The following PLB1 variants were observed in gnomAD, a reference collection of about 807,000 sequenced individuals.
PLB1 encodes phospholipase B1, membrane-associated.
A neutral mutation model predicts 227.4 loss-of-function variants in PLB1; 242 were observed. That is an observed-to-expected ratio of 1.06 (90% CI 0.96 to 1.18). PLB1 has a LOEUF of 1.18. Among genes scored for constraint, PLB1 ranks in the 50% most tolerant of loss-of-function variants. The pLI is 0.00. For synonymous variants in PLB1, 757 were observed against 682.2 expected (o/e 1.11, Z -1.71); for missense variants, 1,858 against 1,816.3 (o/e 1.02, Z -0.42).
In PLB1 at chr2:28,538,236, G is replaced by A. The variant is rs1429781628; in HGVS notation, c.556-83G>A. The A allele has an allele frequency of 5.1e-6, 8 of 1,554,702 alleles. No individual in the cohort carries two copies. In the African/African-American group the frequency reaches 1.1e-4, roughly 21 times the overall value. ...TTTGCCTGTGGTCTTGCCTGGCAGG[G>A]ATGGGCCTGTTGTGAGTCTGGGTGG... On this transcript the variant is annotated intron_variant, in intron 9 of 57. Transcript: ENST00000327757.
In PLB1 at chr2:28,589,507, G is replaced by A; in HGVS notation, c.1873G>A (p.Val625Met). Residue 625 changes from valine to methionine, a missense_variant, in exon 27 of 58, where the codon GTG becomes ATG. Val to Met is a conservative substitution (Grantham distance 21). Transcript: ENST00000327757. ...ATATGACACAAGGGAAGATTTTACTGTGGTTGTGCAGCCGTTCTTTGAAAA... is the reference window on the plus strand; with the variant it reads ...ATATGACACAAGGGAAGATTTTACTATGGTTGTGCAGCCGTTCTTTGAAAA... Reference protein sequence around the residue: ...GRYDTREDFTVVVQPFFENVD... With the variant: ...GRYDTREDFTMVVQPFFENVD... 5 of 1,614,188 alleles carry A rather than the reference G, an allele frequency of 3.1e-6. No individual in the cohort carries two copies. The highest frequency in any genetic ancestry group is 4.2e-6 in the Non-Finnish European group (5 of 1,180,042).
intron 33 of PLB1, among the ~76,000 whole-genome samples, chr2:28,597,686 A>C (rs1683187789): frequency 1.3e-5 from 2 of 152,180 alleles, no homozygotes; most frequent in East Asian, 3.8e-4. Flanking sequence ...CATCTACATC[A>C]CTGGCTTGTT....
At chr2:28,554,524 A>G (rs1204664525) in intron 17 of PLB1, among the ~76,000 whole-genome samples, 3 of 56,758 alleles carry the variant, frequency 5.3e-5, no homozygotes, top group African/African-American at 7.1e-5. Context: ...TTTTTAAGAG[A>G]TGGGGTCTTA....
At chr2:28,585,605 T>C in intron 25 of PLB1, 156 bp from the exon 26 acceptor site, 2 of 637,916 alleles carry the variant, frequency 3.1e-6, no homozygotes, top group Non-Finnish European at 5.6e-6. Context: ...TCGTTTGGTA[T>C]GGTCAGCAGG....
In PLB1 at chr2:28,633,003, G is replaced by C; in HGVS notation, c.4062G>C (p.Gly1354=). The part of the protein sequence containing the change: ...SEDCFHFSDR[G]HAEMAIALWN... Reference sequence around the variant, plus strand: ...ACTGTTTTCACTTCTCAGACCGCGGGCATGCCGAGATGGCCATCGCACTCT... The same window carrying C: ...ACTGTTTTCACTTCTCAGACCGCGGCCATGCCGAGATGGCCATCGCACTCT... Residue 1354 remains glycine, a synonymous_variant, in exon 56 of 58, where the codon GGG becomes GGC. Transcript: ENST00000327757. 1.9e-6 allele frequency: 3 copies of C among 1,609,522 alleles called. No homozygotes were observed.
chr2:28,527,431 A>G (rs1057334500), intron 6 of PLB1, among the ~76,000 whole-genome samples: 8 of 152,218 alleles, frequency 5.3e-5, no homozygotes, highest in Non-Finnish European at 1.0e-4. Flanking sequence ...TTCCCAGAAG[A>G]AAGTACTCTA....
At chr2:28,508,478 A>G (rs1328110228) in intron 1 of PLB1, among the ~76,000 whole-genome samples, 1 of 152,206 alleles carries the variant, frequency 6.6e-6, no homozygotes, top group Non-Finnish European at 1.5e-5. Context: ...TCAGCCAGGC[A>G]TGACTCATGG....
chr2:28,626,356 G>C, intron 50 of PLB1, 72 bp from the exon 51 acceptor site: 1 of 1,296,462 alleles, frequency 7.7e-7, no homozygotes. Flanking sequence ...GAGGGCGGGC[G>C]GGCTGGCCCA....
intron 6 of PLB1, among the ~76,000 whole-genome samples, chr2:28,527,158 G>A (rs1012427000): frequency 3.3e-5 from 5 of 152,146 alleles, no homozygotes; most frequent in Non-Finnish European, 7.4e-5. Flanking sequence ...AAATGCAGAT[G>A]CCTCTTTGCC....
intron 20 of PLB1, among the ~76,000 whole-genome samples, chr2:28,572,138 G>A (rs2338443): frequency 0.12 from 18,563 of 152,200 alleles, 1,620 homozygotes; most frequent in East Asian, 0.28. Context: ...ATATGCAAAT[G>A]ACTAGTAAGC....
chr2:28,547,093 C>T (rs140324083), intron 14 of PLB1, among the ~76,000 whole-genome samples: 4 of 151,048 alleles, frequency 2.6e-5, no homozygotes, highest in Non-Finnish European at 2.9e-5. Context: ...CCCAGCTACT[C>T]GGGAAGCTGA....
intron 13 of PLB1, 39 bp from the exon 14 acceptor site, chr2:28,543,173 G>T (rs1160351114): frequency 1.3e-6 from 2 of 1,580,564 alleles, no homozygotes; most frequent in Admixed American, 3.6e-5. Flanking sequence ...GCATTCCTGG[G>T]GAGACAAAAG....
At chr2:28,504,614 G>T (rs1432922885) in intron 1 of PLB1, among the ~76,000 whole-genome samples, 1 of 152,032 alleles carries the variant, frequency 6.6e-6, no homozygotes, top group Non-Finnish European at 1.5e-5. Flanking sequence ...ATGGTGGTGT[G>T]TGCCTGTAGT....
intron 20 of PLB1, among the ~76,000 whole-genome samples, chr2:28,568,625 T>C (rs753413371): frequency 3.9e-5 from 6 of 152,100 alleles, no homozygotes; most frequent in Non-Finnish European, 5.9e-5. Flanking sequence ...GCTTGGAAAA[T>C]AGGAGAACAG....
chr2:28,566,198 C>T (rs1220862835), intron 19 of PLB1, among the ~76,000 whole-genome samples: 2 of 152,038 alleles, frequency 1.3e-5, no homozygotes, highest in South Asian at 2.1e-4. Flanking sequence ...TAAACCCAAA[C>T]ATTTGGGGAA....
intron 6 of PLB1, among the ~76,000 whole-genome samples, chr2:28,527,852 C>G (rs1670480787): frequency 6.6e-6 from 1 of 152,212 alleles, no homozygotes; most frequent in Admixed American, 6.5e-5. Flanking sequence ...AGAAAGCAAT[C>G]TCTTTCAGAC....
rs143970918 is a variant in PLB1, at chr2:28,532,034, A to G, written c.469-74A>G. On this transcript the variant is annotated intron_variant, in intron 8 of 57. Transcript: ENST00000327757. ...GGATGGGTGTATGAAATGGAAAGAC[A>G]TGAAAACAAAGACATTATTTTGGTT... 2.1e-4 allele frequency: 243 copies of G among 1,184,924 alleles called. 1 individual carries two copies. In the East Asian group the frequency reaches 5.8e-3, roughly 28 times the overall value. 73.4% of individuals were successfully genotyped at this position (1,184,924 alleles called of 1,614,324 possible). A position where few individuals can be genotyped will look rare whatever the true frequency, so the allele number is the denominator to read the frequency against.
chr2:28,499,113 T>A (rs1279401502), intron 1 of PLB1, among the ~76,000 whole-genome samples: 1 of 152,310 alleles, frequency 6.6e-6, no homozygotes, highest in African/African-American at 2.4e-5. Flanking sequence ...TTTGAAATGT[T>A]TGTTATTGAT....
At position 28,573,202 on chromosome 2, in the gene PLB1, C is replaced by A; in HGVS notation, c.1330C>A (p.Leu444Ile). The change falls in exon 21 of 58, where the codon CTC (leucine) becomes ATC (isoleucine). Residue 444 changes from leucine to isoleucine, a missense_variant. Coordinates refer to ENST00000327757, the MANE Select transcript of PLB1 (RefSeq NM_153021.5). ...IGTVTTLANI[L>I]REFNPSLKGF... The stretch of plus-strand genomic sequence containing the variant: ...TCTTTTCCTTGTATTTGCAGACATC[C>A]TCCGGGAATTCAACCCTTCCCTGAA... 1 of 1,612,618 alleles carries A rather than the reference C, an allele frequency of 6.2e-7. No homozygotes were observed. The highest frequency in any genetic ancestry group is 8.5e-7 in the Non-Finnish European group (1 of 1,178,708).
Sources: gnomAD v4.1 joint callset for allele counts (sites outside exome capture counted in the v4.1 genomes callset) on GRCh38, gnomAD v4.1.1 for gene constraint, MANE v1.5 for transcripts, NCBI Gene and HGNC (gene_info 2026-07-23, HGNC 2026-07-21) for gene names.